The following MGAT4A variants were observed in gnomAD, a reference collection of about 807,000 sequenced individuals.
MGAT4A encodes the protein alpha-1,3-mannosyl-glycoprotein 4-beta-N-acetylglucosaminyltransferase A, also known as N-acetylglucosaminyltransferase IVa.
In MGAT4A, 33 loss-of-function variants were observed where a neutral mutation model predicts 74.1. The ratio of observed to expected loss-of-function variants is 0.45; its 90% CI spans 0.34 to 0.60. The LOEUF (loss-of-function observed/expected upper bound fraction) is 0.60. Ranked by LOEUF, MGAT4A falls within the 20% of genes least tolerant of loss-of-function variation. The pLI is 0.02. For missense variants in MGAT4A, 479 were observed against 628.3 expected (o/e 0.76, Z 2.54); for synonymous variants, 198 against 210.4 (o/e 0.94, Z 0.51).
intron 1 of MGAT4A, chr2:98,727,021 T>C (rs963717699): frequency 3.3e-5 from 5 of 152,218 alleles, no homozygotes; most frequent in African/African-American, 4.8e-5. Flanking sequence ...CCCAGCTCTG[T>C]CATTACTTAC....
intron 2 of MGAT4A, among the ~76,000 whole-genome samples, chr2:98,704,892 A>G (rs1702400973): frequency 6.6e-6 from 1 of 152,208 alleles, no homozygotes; most frequent in African/African-American, 2.4e-5. Context: ...AATAAGGTCA[A>G]TGTTCAATTA....
chr2:98,641,470 A>G (rs1357610846), intron 10 of MGAT4A, among the ~76,000 whole-genome samples: 1 of 143,494 alleles, frequency 7.0e-6, no homozygotes, highest in East Asian at 2.1e-4. Context: ...CCTGGCTAAC[A>G]CGGTGAAACC....
chr2:98,630,264 A>C (rs1398462908), intron 14 of MGAT4A, among the ~76,000 whole-genome samples: 1 of 152,220 alleles, frequency 6.6e-6, no homozygotes, highest in African/African-American at 2.4e-5. Flanking sequence ...AGTGAAAAAG[A>C]ATGAGTCGTA....
chr2:98,634,322 T>C (rs1476449448), intron 14 of MGAT4A, among the ~76,000 whole-genome samples: 1 of 152,068 alleles, frequency 6.6e-6, no homozygotes, highest in African/African-American at 2.4e-5. Flanking sequence ...TGCAAAAGCA[T>C]TTATTAGAAG....
At position 98,731,102 on chromosome 2, in the gene MGAT4A, CGCCGCCGCT is replaced by C. The variant is rs1195753902; in HGVS notation, c.-299_-291del. On this transcript the variant is annotated 5_prime_UTR_variant, in exon 1 of 16. Coordinates refer to ENST00000393487, the MANE Select transcript of MGAT4A (RefSeq NM_012214.3). The surrounding 1 kb of genome is among the most constrained non-coding windows in gnomAD (Gnocchi z 4.8). ...CTGCCGGCGGAGCTGCTGTAGCCGC[CGCCGCCGCT>C]GCCGCCGCCGCTGCGGGCCGCCCCG... is the stretch of plus-strand genomic sequence containing the variant. The C allele has an allele frequency of 2.8e-5, 2 of 72,598 alleles. No individual in the cohort carries two copies. The highest frequency in any genetic ancestry group is 2.3e-4 in the African/African-American group (2 of 8,574). The allele number at this position is 72,598 out of a possible 1,614,324, so 4.5% of individuals were successfully genotyped here.
In MGAT4A at chr2:98,671,943, C is replaced by CAAAAAAAAAAAAAAAAAAAAAAA. The variant is rs59955000; in HGVS notation, c.403+3069_403+3091dup. Among the ~76,000 whole-genome samples the CAAAAAAAAAAAAAAAAAAAAAAA allele has an allele frequency of 2.1e-4, 6 of 28,616 alleles. 3 individuals carry two copies. The highest frequency in any genetic ancestry group is 5.1e-4 in the African/African-American group (4 of 7,854). 18.8% of individuals were successfully genotyped at this position (28,616 alleles called of 152,430 possible). On this transcript the variant is annotated intron_variant, in intron 4 of 15. Transcript: ENST00000393487. The stretch of plus-strand genomic sequence containing the variant: ...AGGCCACAAAGTAATGTGGAAAAGG[C>CAAAAAAAAAAAAAAAAAAAAAAA]AAAAAAAAAAAAAAAAAAAAAAAAA...
chr2:98,712,839 G>T (rs569251120), intron 2 of MGAT4A, among the ~76,000 whole-genome samples: 2 of 152,244 alleles, frequency 1.3e-5, no homozygotes, highest in African/African-American at 4.8e-5. Flanking sequence ...GCTTCCTAGT[G>T]GAAATACACA....
intron 12 of MGAT4A, among the ~76,000 whole-genome samples, chr2:98,637,176 T>C (rs902605796): frequency 6.6e-6 from 1 of 151,886 alleles, no homozygotes; most frequent in Non-Finnish European, 1.5e-5. Context: ...CCAGGCATGG[T>C]GGTATGTACC....
At chr2:98,674,385 G>A (rs967517344) in intron 4 of MGAT4A, among the ~76,000 whole-genome samples, 2 of 152,166 alleles carry the variant, frequency 1.3e-5, no homozygotes, top group Non-Finnish European at 2.9e-5. Flanking sequence ...GTGGTAAACG[G>A]CTCTTGGGCT....
At position 98,643,721 on chromosome 2, in the gene MGAT4A, C is replaced by T. The variant is rs538066130; in HGVS notation, c.1020+202G>A. Among the ~76,000 whole-genome samples the T allele has an allele frequency of 5.1e-4, 77 of 152,320 alleles. No individual in the cohort carries two copies. The Middle Eastern group carries it at 0.024, about 47-fold the overall frequency. ...ATTTATCAGCAATTTAAAGAATGTA[C>T]GTCATCTTGTAACAGCTTCCTGCTT... On this transcript the variant is annotated intron_variant, in intron 10 of 15. Coordinates refer to ENST00000393487, the MANE Select transcript of MGAT4A (RefSeq NM_012214.3).
chr2:98,707,214 C>G (rs965372226), intron 2 of MGAT4A, among the ~76,000 whole-genome samples: 3 of 151,948 alleles, frequency 2.0e-5, no homozygotes, highest in Non-Finnish European at 4.4e-5. Flanking sequence ...ACCCTGTCTC[C>G]ATTTTTTTAA....
intron 5 of MGAT4A, among the ~76,000 whole-genome samples, chr2:98,660,558 A>G (rs1701734047): frequency 6.6e-6 from 1 of 152,170 alleles, no homozygotes; most frequent in Admixed American, 6.5e-5. Flanking sequence ...TGTAAACAGT[A>G]TGGTATTGAT....
chr2:98,716,563 A>T (rs1252565789), intron 2 of MGAT4A, among the ~76,000 whole-genome samples: 1 of 152,304 alleles, frequency 6.6e-6, no homozygotes. Flanking sequence ...GGTTGCGGTG[A>T]GCCAAGATTG....
chr2:98,649,707 T>C (rs184461456), intron 8 of MGAT4A, among the ~76,000 whole-genome samples: 1 of 151,760 alleles, frequency 6.6e-6, no homozygotes, highest in East Asian at 1.9e-4. Context: ...ATTAGGAGAT[T>C]ACACCCACAA....
chr2:98,705,785 T>TAA (rs1187864928), intron 2 of MGAT4A, among the ~76,000 whole-genome samples: 16 of 150,164 alleles, frequency 1.1e-4, no homozygotes, highest in African/African-American at 3.4e-4. Flanking sequence ...CTACTAAAAA[T>TAA]ACAAAAAATT....
intron 2 of MGAT4A, among the ~76,000 whole-genome samples, chr2:98,724,473 A>G (rs1191829928): frequency 2.0e-5 from 3 of 152,234 alleles, no homozygotes; most frequent in Admixed American, 2.0e-4. Flanking sequence ...GATACCTGGA[A>G]GAGTCTGGAA....
At chr2:98,628,822 T>C (rs1415780167) in intron 14 of MGAT4A, among the ~76,000 whole-genome samples, 1 of 152,174 alleles carries the variant, frequency 6.6e-6, no homozygotes, top group Non-Finnish European at 1.5e-5. Context: ...CTCAAAATAC[T>C]GTCCAATTAT....
At chr2:98,728,241 C>T (rs1420514691) in intron 1 of MGAT4A, among the ~76,000 whole-genome samples, 1 of 152,210 alleles carries the variant, frequency 6.6e-6, no homozygotes, top group Non-Finnish European at 1.5e-5. Flanking sequence ...CCACAACCCT[C>T]CACCAAACTA....
intron 2 of MGAT4A, among the ~76,000 whole-genome samples, chr2:98,692,542 A>C: frequency 6.6e-6 from 1 of 152,126 alleles, no homozygotes; most frequent in Non-Finnish European, 1.5e-5. Flanking sequence ...CCACTCACTC[A>C]CTGACTCATC....
Sources: gnomAD v4.1 joint callset for allele counts (sites outside exome capture counted in the v4.1 genomes callset) on GRCh38, gnomAD v4.1.1 for gene constraint, Gnocchi (gnomAD v3.1) non-coding constraint, MANE v1.5 for transcripts, NCBI Gene and HGNC (gene_info 2026-07-23, HGNC 2026-07-21) for gene names.